The following IL17REL variants were observed in gnomAD, a reference collection of about 807,000 sequenced individuals.
IL17REL encodes the protein interleukin 17 receptor E like, also known as interleukin-17 receptor E-like protein.
A neutral mutation model predicts 49.0 loss-of-function variants in IL17REL; 36 were observed. That is an observed-to-expected ratio of 0.73 (90% confidence interval 0.56 to 0.97). The LOEUF is 0.97. Among genes scored for constraint, IL17REL ranks in the 50% least tolerant of loss-of-function variants. The probability of loss-of-function intolerance (pLI) is 0.00; values close to 1 mark genes in which losing one functional copy is unlikely to be tolerated. For missense variants in IL17REL, 470 were observed against 453.9 expected (o/e 1.04, Z -0.32); for synonymous variants, 206 against 192.4 (o/e 1.07, Z -0.58).
intron 7 of IL17REL, among the ~76,000 whole-genome samples, chr22:49,998,899 GTGTA>G (rs2061055767): frequency 6.6e-6 from 1 of 151,986 alleles, no homozygotes; most frequent in African/African-American, 2.4e-5. Flanking sequence ...GTGTGTGCAT[GTGTA>G]TGGGCGTGTA....
intron 1 of IL17REL, 74 bp from the exon 3 acceptor site, chr22:50,001,305 G>A: frequency 1.5e-6 from 1 of 650,006 alleles, no homozygotes; most frequent in Non-Finnish European, 2.7e-6. Context: ...GTTCTGGGAA[G>A]GGGGAGAGAG....
chr22:49,999,941 G>C (rs920206972), exon 5 of IL17REL: 4 of 1,525,540 alleles, frequency 2.6e-6, no homozygotes, highest in Non-Finnish European at 3.5e-6. Flanking sequence ...TTGCGCCTCC[G>C]GTCCACCCAG....
At chr22:50,007,897 A>T (rs892458845) in intron 1 of IL17REL, among the ~76,000 whole-genome samples, 1 of 152,114 alleles carries the variant, frequency 6.6e-6, no homozygotes, top group African/African-American at 2.4e-5. Context: ...TCTATAAAAT[A>T]ATTTTTATCT....
chr22:50,001,867 T>C (rs137848), intron 1 of IL17REL, among the ~76,000 whole-genome samples: 85,938 of 152,174 alleles, frequency 0.56, 24,900 homozygotes, highest in South Asian at 0.77. Context: ...GCAACCCAGC[T>C]GTTCCACAGG....
chr22:49,998,755 G>A lies in IL17REL; in HGVS notation c.602-446C>T, dbSNP rs1030246610. ...TATGGGTGTGTATGTGCATGGGTGC[G>A]TGTGCATGGGTGCGTGTCCATGGGT... is the stretch of plus-strand genomic sequence containing the variant. On this transcript the variant is annotated intron_variant, in intron 7 of 12. Transcript: ENST00000341280. 2.2e-4 allele frequency among the ~76,000 whole-genome samples: 32 copies of A among 147,890 alleles called. 1 individual carries two copies. The highest frequency in any genetic ancestry group is 1.9e-3 in the South Asian group (9 of 4,694).
At chr22:50,001,771 G>T in intron 1 of IL17REL, among the ~76,000 whole-genome samples, 1 of 152,226 alleles carries the variant, frequency 6.6e-6, no homozygotes. Context: ...TGTGGAGCTG[G>T]GTATCATTTT....
chr22:49,995,311 T>A (rs1186817657), exon 13 of IL17REL: 1 of 152,548 alleles, frequency 6.6e-6, no homozygotes, highest in Admixed American at 6.5e-5. Context: ...ACCTGGGCCA[T>A]CCGGGGAAGG....
chr22:49,996,909 G>A (rs1040225981), intron 12 of IL17REL, 49 bp from the exon 15 acceptor site: 4 of 671,228 alleles, frequency 6.0e-6, no homozygotes, highest in Non-Finnish European at 1.0e-5. Context: ...CTTCCCCCGG[G>A]GATGGGGGAT....
exon 7 of IL17REL, chr22:49,999,311 TGGATCCGCACCGCGTCAG>T (rs751344348): frequency 1.9e-6 from 3 of 1,613,010 alleles, no homozygotes; most frequent in Non-Finnish European, 8.5e-7. Flanking sequence ...GGGGCAGATC[TGGATCCGCACCGCGTCAG>T]GGGTCGCAGA....
At chr22:50,002,063 A>G (rs2061082980) in intron 1 of IL17REL, among the ~76,000 whole-genome samples, 1 of 152,244 alleles carries the variant, frequency 6.6e-6, no homozygotes, top group African/African-American at 2.4e-5. Flanking sequence ...AGGTGCAGCC[A>G]GTTCCAGGCA....
At chr22:50,001,231 C>A in exon 2 of IL17REL, 2 of 1,344,732 alleles carry the variant, frequency 1.5e-6, no homozygotes, top group Non-Finnish European at 1.0e-6. Context: ...AAAAATGTTC[C>A]CTGGGGAGGG....
chr22:49,998,393 AC>A, intron 7 of IL17REL, 84 bp from the exon 10 acceptor site: 1 of 1,350,572 alleles, frequency 7.4e-7, no homozygotes, highest in Non-Finnish European at 9.9e-7. Context: ...CACTCAAGTG[AC>A]CACTGGGCCA....
At position 49,997,489 on chromosome 22, in the gene IL17REL, G is replaced by A. The variant is rs2061043746; in HGVS notation, c.878-73C>T. ...CTGGATGGTCATTTTCCAGGCTGTGGGGAGTGAAGGGTGAGACCCCCATCC... is the reference window on the plus strand; with the variant it reads ...CTGGATGGTCATTTTCCAGGCTGTGAGGAGTGAAGGGTGAGACCCCCATCC... On this transcript the variant is annotated intron_variant, in intron 10 of 12. Coordinates refer to ENST00000341280, the Ensembl canonical transcript of IL17REL. The A allele has an allele frequency of 1.3e-6, 2 of 1,483,036 alleles. No individual in the cohort carries two copies. Among genetic ancestry groups the A allele is most frequent in the Admixed American group, 1.9e-5 (1 of 53,804 alleles). 91.9% of individuals were successfully genotyped at this position (1,483,036 alleles called of 1,614,324 possible). A position where few individuals can be genotyped will look rare whatever the true frequency, so the allele number is the denominator to read the frequency against.
At chr22:49,998,735 G>GTGTGTA (rs2061053662) in intron 7 of IL17REL, among the ~76,000 whole-genome samples, 1 of 150,664 alleles carries the variant, frequency 6.6e-6, no homozygotes, top group African/African-American at 2.4e-5. Context: ...ATGTGTATGG[G>GTGTGTA]TGTGTATGTG....
exon 8 of IL17REL, chr22:49,998,175 G>T (rs199676737): frequency 6.2e-7 from 1 of 1,610,210 alleles, no homozygotes; most frequent in East Asian, 2.2e-5. Flanking sequence ...TGCAGCTTAC[G>T]GCAGCCGGCC....
chr22:50,005,557 T>C (rs1054467520), intron 1 of IL17REL, among the ~76,000 whole-genome samples: 1 of 152,118 alleles, frequency 6.6e-6, no homozygotes, highest in African/African-American at 2.4e-5. Flanking sequence ...ATCCCAGCAC[T>C]TCGGGAGGTC....
intron 7 of IL17REL, among the ~76,000 whole-genome samples, chr22:49,998,736 TGTGTATGTGCATGG>T (rs1319000247): frequency 1.4e-5 from 2 of 145,024 alleles, no homozygotes; most frequent in Admixed American, 1.4e-4. Flanking sequence ...TGTGTATGGG[TGTGTATGTGCATGG>T]GTGCGTGTGC....
chr22:49,997,480 C>G (rs1305140547), intron 10 of IL17REL: 2 of 1,527,106 alleles, frequency 1.3e-6, no homozygotes, highest in African/African-American at 2.7e-5. Flanking sequence ...GGTCATTTTC[C>G]AGGCTGTGGG....
At chr22:49,995,820 C>G (rs1202102171) in exon 13 of IL17REL, 1 of 152,672 alleles carries the variant, frequency 6.5e-6, no homozygotes, top group African/African-American at 2.4e-5. Flanking sequence ...TGTGTATGAC[C>G]CCCAGATCCC....
Sources: allele counts gnomAD v4.1 joint callset (sites outside exome capture counted in the v4.1 genomes callset), GRCh38; gene constraint gnomAD v4.1.1; transcripts MANE v1.5; gene names NCBI Gene and HGNC (gene_info 2026-07-23, HGNC 2026-07-21).